Variants in ZNF827 observed in about 807,000 individuals in gnomAD.
ZNF827 encodes zinc finger protein 827.
A neutral mutation model predicts 102.4 loss-of-function variants in ZNF827; 13 were observed. The ratio of observed to expected loss-of-function variants is 0.13; its 90% confidence interval spans 0.08 to 0.20. ZNF827 has a LOEUF of 0.20. Among genes scored for constraint, ZNF827 ranks in the 10% least tolerant of loss-of-function variants. The pLI, the probability that ZNF827 is intolerant of heterozygous loss-of-function variation, is 1.00. For synonymous variants in ZNF827, 523 were observed against 536.2 expected, an observed-to-expected ratio of 0.98 and a Z score of 0.34; for missense variants, 1,103 against 1,344.4, an observed-to-expected ratio of 0.82 and a Z score of 2.81.
At chr4:145,778,115 A>C (rs1302032100) in intron 9 of ZNF827, among the ~76,000 whole-genome samples, 2 of 152,154 alleles carry the variant, frequency 1.3e-5, no homozygotes, top group African/African-American at 4.8e-5. Context: ...AGCATGGAGA[A>C]ACCCCATTTC....
chr4:145,874,915 C>G (rs1749022835), intron 4 of ZNF827, among the ~76,000 whole-genome samples: 1 of 152,110 alleles, frequency 6.6e-6, no homozygotes, highest in South Asian at 2.1e-4. Context: ...AGTTTATGTA[C>G]TTGATGGAGG....
intron 8 of ZNF827, among the ~76,000 whole-genome samples, chr4:145,807,092 G>A (rs967864324): frequency 1.3e-5 from 2 of 152,196 alleles, no homozygotes; most frequent in African/African-American, 4.8e-5. Flanking sequence ...CTTACAGGAT[G>A]TGTAACTTTA....
intron 2 of ZNF827, among the ~76,000 whole-genome samples, chr4:145,895,028 A>T (rs1296149038): frequency 3.3e-5 from 5 of 152,232 alleles, no homozygotes; most frequent in Non-Finnish European, 4.4e-5. Flanking sequence ...AGAACATCAA[A>T]ATAATAGGAA....
chr4:145,766,146 A>C (rs1735262032), intron 11 of ZNF827, among the ~76,000 whole-genome samples: 1 of 152,166 alleles, frequency 6.6e-6, no homozygotes, highest in Non-Finnish European at 1.5e-5. Context: ...AGAAAGGTTA[A>C]TCTGGCCTAG....
At chr4:145,896,773 A>G (rs779976740) in intron 2 of ZNF827, among the ~76,000 whole-genome samples, 1 of 152,210 alleles carries the variant, frequency 6.6e-6, no homozygotes, top group African/African-American at 2.4e-5. Context: ...ATTTCCAAAA[A>G]TGAACCTGGA....
intron 2 of ZNF827, among the ~76,000 whole-genome samples, chr4:145,901,386 A>C (rs914589515): frequency 4.6e-4 from 70 of 152,348 alleles, no homozygotes; most frequent in African/African-American, 1.6e-3. Flanking sequence ...CAAGTGACTA[A>C]ATTTCTCCCT....
At chr4:145,858,352 G>C (rs1023104019) in intron 5 of ZNF827, among the ~76,000 whole-genome samples, 1 of 152,102 alleles carries the variant, frequency 6.6e-6, no homozygotes, top group African/African-American at 2.4e-5. Context: ...ACAAATTCTG[G>C]CCAGCACAGT....
intron 7 of ZNF827, among the ~76,000 whole-genome samples, chr4:145,826,968 A>G (rs1352102218): frequency 6.6e-6 from 1 of 151,712 alleles, no homozygotes; most frequent in African/African-American, 2.4e-5. Context: ...GCTGGTCTCG[A>G]TTTTCTGACC....
At chr4:145,885,522 A>C (rs1750032041) in intron 4 of ZNF827, among the ~76,000 whole-genome samples, 156 bp downstream of exon 4, 1 of 151,848 alleles carries the variant, frequency 6.6e-6, no homozygotes, top group Non-Finnish European at 1.5e-5. Flanking sequence ...AAATGTATGG[A>C]AGTGCAGACT....
Position 145,763,098 on chromosome 4 carries a change from G to T in ZNF827, c.*9C>A. On this transcript the variant is annotated 3_prime_UTR_variant, in exon 14 of 15. Transcript: ENST00000508784. The surrounding 1 kb of genome is among the most constrained non-coding windows in gnomAD (Gnocchi z 4.6). ...GCCAAGCTGGGCCTTACCTAGAGGA[G>T]TCTGAAACTCACCACTGTCCTGAGC... The T allele has an allele frequency of 6.5e-7, 1 of 1,536,082 alleles. No individual in the cohort carries two copies.
intron 5 of ZNF827, among the ~76,000 whole-genome samples, chr4:145,850,357 G>A (rs1746412904): frequency 6.6e-6 from 1 of 152,056 alleles, no homozygotes; most frequent in Non-Finnish European, 1.5e-5. Flanking sequence ...CTCTCTTCTA[G>A]GGCACATACA....
intron 11 of ZNF827, among the ~76,000 whole-genome samples, chr4:145,772,009 CT>C (rs1458929845): frequency 1.3e-5 from 2 of 152,210 alleles, no homozygotes; most frequent in Non-Finnish European, 2.9e-5. Flanking sequence ...CACAATACTA[CT>C]TATGGTACCA....
At chr4:145,863,497 C>T (rs548757552) in intron 5 of ZNF827, among the ~76,000 whole-genome samples, 20 of 152,048 alleles carry the variant, frequency 1.3e-4, no homozygotes, top group East Asian at 9.6e-4. Context: ...TCTTCATAAA[C>T]GAAAATGTGG....
rs74618445 is a variant in ZNF827 at position 145,842,687 on chromosome 4, T to C, written c.2279+3269A>G. ...GGAGATGGCAAGGAGTGGAGGAGCG[T>C]AGGCATTCATCAGCATGAGAAAGGC... On this transcript the variant is annotated intron_variant, in intron 7 of 14. Transcript: ENST00000508784. 3.9e-3 allele frequency among the ~76,000 whole-genome samples: 592 copies of C among 152,272 alleles called. 2 individuals are homozygous for C. Among genetic ancestry groups the C allele is most frequent in the Middle Eastern group, 0.014 (4 of 294 alleles).
chr4:145,836,203 C>G (rs548583131), intron 7 of ZNF827, among the ~76,000 whole-genome samples: 1 of 151,800 alleles, frequency 6.6e-6, no homozygotes, highest in Non-Finnish European at 1.5e-5. Context: ...TAAAAACACA[C>G]GTGCTCTCCC....
intron 1 of ZNF827, among the ~76,000 whole-genome samples, chr4:145,905,264 T>C (rs554488463): frequency 5.9e-5 from 9 of 152,220 alleles, no homozygotes; most frequent in East Asian, 3.8e-4. Flanking sequence ...TTTTGCCATA[T>C]AGCATGCTGT....
chr4:145,797,525 C>G (rs1339841225), intron 8 of ZNF827, among the ~76,000 whole-genome samples: 5 of 152,170 alleles, frequency 3.3e-5, no homozygotes, highest in African/African-American at 1.2e-4. Context: ...AGCTGCCTGA[C>G]AGGAAAAGGA....
intron 1 of ZNF827, among the ~76,000 whole-genome samples, chr4:145,924,054 T>C (rs560260766): frequency 2.0e-5 from 3 of 152,330 alleles, no homozygotes; most frequent in East Asian, 1.9e-4. Flanking sequence ...AGTGAAATAC[T>C]GGAGAGCAGT....
At chr4:145,914,792 T>A (rs1158083173) in intron 1 of ZNF827, among the ~76,000 whole-genome samples, 1 of 152,240 alleles carries the variant, frequency 6.6e-6, no homozygotes, top group Non-Finnish European at 1.5e-5. Context: ...CTTCCTTTCT[T>A]CTCAGGCATT....
Sources: gnomAD v4.1 joint callset for allele counts (sites outside exome capture counted in the v4.1 genomes callset) on GRCh38, gnomAD v4.1.1 for gene constraint, Gnocchi (gnomAD v3.1) non-coding constraint, MANE v1.5 for transcripts, NCBI Gene and HGNC (gene_info 2026-07-23, HGNC 2026-07-21) for gene names.